The following ARHGEF3 variants were observed in gnomAD, a reference collection of about 807,000 sequenced individuals.
ARHGEF3 encodes the protein 59.8 kDA protein.
In ARHGEF3, 28 loss-of-function variants were observed where a neutral mutation model predicts 63.2. The observed-to-expected ratio is 0.44, with a 90% CI of 0.33 to 0.61. The LOEUF (loss-of-function observed/expected upper bound fraction) is 0.61, where lower values mean the gene tolerates loss of function less well. ARHGEF3 is among the 20% of genes least tolerant of loss of function. The pLI, the probability that ARHGEF3 is intolerant of heterozygous loss-of-function variation, is 0.03. For synonymous variants in ARHGEF3, 266 were observed against 254.2 expected (o/e 1.05, Z -0.44); for missense variants, 533 against 659.3 (o/e 0.81, Z 2.10).
chr3:56,889,104 A>T (rs2041025901), intron 3 of ARHGEF3, among the ~76,000 whole-genome samples: 1 of 151,602 alleles, frequency 6.6e-6, no homozygotes, highest in Admixed American at 6.6e-5. Context: ...CTTCACCTGA[A>T]CCTTTCGACC....
intron 3 of ARHGEF3, among the ~76,000 whole-genome samples, chr3:56,956,227 T>G (rs61180852): frequency 1.5e-5 from 2 of 132,474 alleles, no homozygotes; most frequent in Non-Finnish European, 3.4e-5. Flanking sequence ...GTTTTTTTTT[T>G]TTTTGTTTGT....
chr3:56,789,549 A>T (rs548355360), intron 1 of ARHGEF3, among the ~76,000 whole-genome samples: 4 of 152,324 alleles, frequency 2.6e-5, no homozygotes, highest in Non-Finnish European at 4.4e-5. Context: ...TAAATGTCCA[A>T]ATTTCAAGTT....
intron 2 of ARHGEF3, among the ~76,000 whole-genome samples, chr3:56,989,518 CTG>C (rs927945880): frequency 3.3e-5 from 5 of 152,224 alleles, no homozygotes; most frequent in Non-Finnish European, 5.9e-5. Context: ...CCCAGCAGGT[CTG>C]TGCCCAGGGG....
chr3:56,924,752 C>T (rs1358083300), intron 3 of ARHGEF3, among the ~76,000 whole-genome samples: 1 of 152,216 alleles, frequency 6.6e-6, no homozygotes, highest in Non-Finnish European at 1.5e-5. Flanking sequence ...AGATTCTTTA[C>T]TGCAACCTGT....
chr3:57,007,223 G>A (rs896710409), intron 2 of ARHGEF3: 1 of 1,288,494 alleles, frequency 7.8e-7, no homozygotes, highest in Non-Finnish European at 1.0e-6. Context: ...AGTCGAAGGT[G>A]GGGGGGTCAA....
At chr3:56,941,141 C>G (rs1444243844) in intron 3 of ARHGEF3, 1 of 152,752 alleles carries the variant, frequency 6.5e-6, no homozygotes, top group Non-Finnish European at 1.5e-5. Context: ...CACTGCAGAG[C>G]ACACCACAGC....
rs566181905 is a variant in ARHGEF3 at position 56,939,500 on chromosome 3, C to T, written c.129+19323G>A. On this transcript the variant is annotated intron_variant, in intron 3 of 12. Transcript: ENST00000338458. ...ACAATACTGAGACTGATTCTTGGAC[C>T]ACCTTCTGTTTAAAACCCCTGACTG... 1.1e-4 allele frequency among the ~76,000 whole-genome samples: 16 copies of T among 152,186 alleles called. No individual in the cohort carries two copies. In the South Asian group the frequency reaches 3.1e-3, roughly 30 times the overall value.
At chr3:56,767,298 T>C (rs545488575) in intron 2 of ARHGEF3, among the ~76,000 whole-genome samples, 3 of 152,268 alleles carry the variant, frequency 2.0e-5, no homozygotes, top group African/African-American at 7.2e-5. Context: ...AAAATGCACA[T>C]GCGGCCGGGC....
intron 3 of ARHGEF3, chr3:56,958,798 A>T (rs1317440799): frequency 3.2e-6 from 5 of 1,543,364 alleles, no homozygotes; most frequent in Admixed American, 3.9e-5. Flanking sequence ...ATTTAACAGC[A>T]GGGGCTACCC....
At chr3:56,986,073 T>C (rs927205165) in intron 2 of ARHGEF3, among the ~76,000 whole-genome samples, 9 of 152,172 alleles carry the variant, frequency 5.9e-5, no homozygotes, top group East Asian at 1.9e-4. Flanking sequence ...ATGCAACTTA[T>C]TAACATTGTA....
chr3:56,772,855 G>A (rs1289305947), intron 2 of ARHGEF3, among the ~76,000 whole-genome samples: 1 of 152,114 alleles, frequency 6.6e-6, no homozygotes, highest in Admixed American at 6.6e-5. Flanking sequence ...CAAATTTACT[G>A]ATATGGAATA....
At chr3:56,987,747 C>T (rs188450170) in intron 2 of ARHGEF3, among the ~76,000 whole-genome samples, 31 of 152,316 alleles carry the variant, frequency 2.0e-4, no homozygotes, top group Admixed American at 9.8e-4. Flanking sequence ...GCCAATCCTG[C>T]AGCCACTAAG....
intron 2 of ARHGEF3, among the ~76,000 whole-genome samples, chr3:57,010,482 T>C (rs114695744): frequency 0.021 from 3,141 of 146,246 alleles, 150 homozygotes; most frequent in African/African-American, 0.075. Flanking sequence ...AAACCCACAG[T>C]GGAATTTATT....
chr3:56,997,513 C>T (rs1371537969), intron 2 of ARHGEF3, among the ~76,000 whole-genome samples: 1 of 152,166 alleles, frequency 6.6e-6, no homozygotes, highest in Non-Finnish European at 1.5e-5. Context: ...TAGCAGCAGG[C>T]TTGCCTGAGC....
At chr3:56,992,851 G>A (rs1214827657) in intron 2 of ARHGEF3, among the ~76,000 whole-genome samples, 1 of 151,846 alleles carries the variant, frequency 6.6e-6, no homozygotes, top group Non-Finnish European at 1.5e-5. Context: ...TTATTTTTTT[G>A]GAGATGGAGA....
Position 56,983,513 on chromosome 3 carries a change from C to A in ARHGEF3, c.63-24624G>T, listed in dbSNP as rs145103441. ...TTTCTAAGAAATCCCTCTAAAAAAT[C>A]CCCTCGCCTCCAATAGTACCTGTGA... On this transcript the variant is annotated intron_variant, in intron 2 of 12. Coordinates refer to the ARHGEF3 transcript ENST00000338458. Among the ~76,000 whole-genome samples the A allele has an allele frequency of 2.7e-3, 416 of 152,310 alleles. 2 individuals are homozygous for A. Among genetic ancestry groups the A allele is most frequent in the African/African-American group, 9.7e-3 (403 of 41,570 alleles).
chr3:56,745,006 T>G (rs2034289425), intron 7 of ARHGEF3, among the ~76,000 whole-genome samples, 199 bp downstream of exon 7: 1 of 152,152 alleles, frequency 6.6e-6, no homozygotes, highest in Admixed American at 6.6e-5. Flanking sequence ...GCACTGCATT[T>G]TACAGTTTAG....
At chr3:56,737,163 C>T (rs894342925) in intron 8 of ARHGEF3, 22 bp downstream of exon 8, 20 of 1,604,782 alleles carry the variant, frequency 1.2e-5, no homozygotes, top group South Asian at 2.2e-5. Context: ...GATAAGACTG[C>T]TTAAAGGGAG....
intron 1 of ARHGEF3, chr3:56,775,753 G>C: frequency 1.2e-6 from 1 of 862,138 alleles, no homozygotes; most frequent in Non-Finnish European, 1.4e-6. Context: ...TTTTACGTCA[G>C]AGCTGCACCA....
Sources: gnomAD v4.1 joint callset for allele counts (sites outside exome capture counted in the v4.1 genomes callset) on GRCh38, gnomAD v4.1.1 for gene constraint, MANE v1.5 for transcripts, NCBI Gene and HGNC (gene_info 2026-07-23, HGNC 2026-07-21) for gene names.